HDX: variants seen among roughly 807,000 people sequenced by gnomAD.
HDX encodes highly divergent homeobox.
HDX carries 19 observed loss-of-function variants against 45.2 expected under a neutral mutation model. The observed-to-expected ratio is 0.42, with a 90% confidence interval of 0.29 to 0.62. HDX has a LOEUF of 0.62. Among genes scored for constraint, HDX ranks in the 20% least tolerant of loss-of-function variants. The pLI, the probability that HDX is intolerant of heterozygous loss-of-function variation, is 0.20. For synonymous variants in HDX, 188 were observed against 172.8 expected, an observed-to-expected ratio of 1.09 and a Z score of -0.69; for missense variants, 532 against 493.9, an observed-to-expected ratio of 1.08 and a Z score of -0.73.
At chrX:84,390,256 C>T (rs1018821268) in intron 5 of HDX, among the ~76,000 whole-genome samples, 1 of 111,009 alleles carries the variant, frequency 9.0e-6, no homozygotes, top group African/African-American at 3.3e-5. Flanking sequence ...TGACATGTGC[C>T]TCTAGTTTTA....
intron 9 of HDX, 117 bp downstream of exon 9, chrX:84,333,642 G>T: frequency 2.5e-6 from 1 of 393,303 alleles, no homozygotes; most frequent in African/African-American, 2.6e-5. Context: ...TAGCCAGAAA[G>T]AATTAATGCA....
chrX:84,469,217 A>G lies in HDX; in HGVS notation c.506T>C (p.Leu169Pro). Residue 169 changes from leucine to proline, a missense_variant, in exon 4 of 11, where the codon CTA (leucine) becomes CCA (proline). Around this residue, in one of 3 missense-constraint regions of HDX, gnomAD observed 376 missense variants for 343.7 expected, o/e 1.09. Coordinates refer to ENST00000373177, the MANE Select transcript of HDX (RefSeq NM_001177479.2). Reference sequence around the variant, plus strand: ...TGACAAAATAATTGTTTTTTCACCTAGGAGTAGGGAAGCATTTTTACAGTG... The same window carrying G: ...TGACAAAATAATTGTTTTTTCACCTGGGAGTAGGGAAGCATTTTTACAGTG... ...VAHCKNASLLLGEKTIILSRQ... is the reference protein window; with the variant it reads ...VAHCKNASLLPGEKTIILSRQ... 1 of 1,210,658 alleles carries G rather than the reference A, an allele frequency of 8.3e-7. No individual in the cohort carries two copies. Among genetic ancestry groups the G allele is most frequent in the South Asian group, 1.8e-5 (1 of 56,918 alleles).
At chrX:84,493,550 G>A (rs755067736) in intron 1 of HDX, among the ~76,000 whole-genome samples, 4 of 111,239 alleles carry the variant, frequency 3.6e-5, no homozygotes, top group Non-Finnish European at 5.7e-5. Flanking sequence ...AAATATAAAG[G>A]GACATATATG....
chrX:84,422,091 C>T (rs929851531), intron 5 of HDX, among the ~76,000 whole-genome samples: 13 of 110,664 alleles, frequency 1.2e-4, no homozygotes, highest in Non-Finnish European at 2.5e-4. Context: ...AGAATACACA[C>T]TCTTTTTCTC....
rs200722470 is a variant in HDX, at chrX:84,406,499, C to T, written c.1305+34033G>A. ...ACACACACACACACACACACACACA[C>T]ATACACACACACACACACATACACA... On this transcript the variant is annotated intron_variant, in intron 5 of 10. Transcript: ENST00000373177. Among the ~76,000 whole-genome samples, 32 of 62,958 alleles carry T rather than the reference C, an allele frequency of 5.1e-4. 1 individual carries two copies. The highest frequency in any genetic ancestry group is 1.0e-3 in the Admixed American group (4 of 3,989). 54.7% of individuals were successfully genotyped at this position (62,958 alleles called of 115,157 possible).
chrX:84,320,415 C>T lies in HDX; in HGVS notation c.*1474G>A, dbSNP rs2036574387. 1 of 110,636 alleles carries T rather than the reference C, an allele frequency of 9.0e-6. No homozygotes were observed. The highest frequency in any genetic ancestry group is 1.9e-5 in the Non-Finnish European group (1 of 52,374). The allele number at this position is 110,636 out of a possible 1,213,427, so 9.1% of individuals were successfully genotyped here. A position where few individuals can be genotyped will look rare whatever the true frequency, so the allele number is the denominator to read the frequency against. ...TTTGTGTGTGTGGGAGGATGGGACA[C>T]TTCAAGGGTAAAGACATTTATGACT... On this transcript the variant is annotated 3_prime_UTR_variant, in exon 11 of 11. Coordinates refer to ENST00000373177, the MANE Select transcript of HDX (RefSeq NM_001177479.2).
intron 4 of HDX, among the ~76,000 whole-genome samples, chrX:84,445,422 T>C (rs182862078): frequency 3.9e-4 from 42 of 108,811 alleles, no homozygotes; most frequent in African/African-American, 1.4e-3. Context: ...AGTTTCCTAA[T>C]TTTTTTTTTC....
intron 5 of HDX, among the ~76,000 whole-genome samples, chrX:84,421,605 A>T (rs1442892758): frequency 3.7e-5 from 4 of 108,396 alleles, no homozygotes; most frequent in Non-Finnish European, 5.7e-5. Context: ...TAAACCCTAC[A>T]ATCAAAAGAC....
At chrX:84,322,136 T>C (rs2036610669) in intron 10 of HDX, 122 bp from the exon 11 acceptor site, 1 of 459,700 alleles carries the variant, frequency 2.2e-6, no homozygotes, top group South Asian at 6.2e-5. Context: ...AATTTATATT[T>C]CAGGATCTTA....
At chrX:84,449,288 AT>A (rs1427958333) in intron 4 of HDX, among the ~76,000 whole-genome samples, 3 of 111,925 alleles carry the variant, frequency 2.7e-5, no homozygotes, top group Non-Finnish European at 5.6e-5. Context: ...CTACCAAGAG[AT>A]TTATGCATCC....
At chrX:84,379,045 T>A (rs888835281) in intron 5 of HDX, among the ~76,000 whole-genome samples, 1 of 110,334 alleles carries the variant, frequency 9.1e-6, no homozygotes, top group Admixed American at 9.7e-5. Flanking sequence ...AAGAAAAAAC[T>A]GTAAGAAGAA....
intron 6 of HDX, among the ~76,000 whole-genome samples, chrX:84,355,770 A>T: frequency 9.1e-6 from 1 of 109,837 alleles, no homozygotes; most frequent in Middle Eastern, 4.7e-3. Flanking sequence ...ATGACGAGTT[A>T]ATGAGTGCAG....
chrX:84,349,445 GTGTGTA>G (rs1435735099), intron 6 of HDX, among the ~76,000 whole-genome samples: 36 of 92,010 alleles, frequency 3.9e-4, no homozygotes, highest in Non-Finnish European at 7.4e-4. Flanking sequence ...GTGTGTGTGT[GTGTGTA>G]TGGTTAGGGT....
At chrX:84,488,530 A>G (rs1329974737) in intron 1 of HDX, among the ~76,000 whole-genome samples, 1 of 111,756 alleles carries the variant, frequency 8.9e-6, no homozygotes, top group Non-Finnish European at 1.9e-5. Flanking sequence ...GGCCACAAAA[A>G]TAAATGCTTC....
At chrX:84,410,601 A>C (rs2038960706) in intron 5 of HDX, among the ~76,000 whole-genome samples, 1 of 111,870 alleles carries the variant, frequency 8.9e-6, no homozygotes, top group African/African-American at 3.3e-5. Flanking sequence ...ATGTATGTTC[A>C]TCAAGGATAT....
intron 4 of HDX, among the ~76,000 whole-genome samples, chrX:84,466,842 A>G (rs1371650822): frequency 8.9e-6 from 1 of 111,883 alleles, no homozygotes. Context: ...CTAGGCAAGC[A>G]ATTGAAATAT....
At chrX:84,384,295 A>T (rs1334945562) in intron 5 of HDX, among the ~76,000 whole-genome samples, 1 of 111,329 alleles carries the variant, frequency 9.0e-6, no homozygotes, top group Non-Finnish European at 1.9e-5. Context: ...TTCTCTGATG[A>T]TTATTGATGA....
intron 6 of HDX, among the ~76,000 whole-genome samples, chrX:84,356,653 T>C (rs1338672929): frequency 2.3e-5 from 2 of 88,510 alleles, no homozygotes; most frequent in Admixed American, 2.8e-4. Context: ...GATGGAGTCT[T>C]GCTCTGTCGC....
chrX:84,476,846 T>A (rs984718256), intron 2 of HDX, among the ~76,000 whole-genome samples: 1 of 111,726 alleles, frequency 9.0e-6, no homozygotes, highest in Non-Finnish European at 1.9e-5. Context: ...ATCTCCTATC[T>A]AATGTTAAGA....
Sources: allele counts gnomAD v4.1 joint callset (sites outside exome capture counted in the v4.1 genomes callset), GRCh38; gene constraint gnomAD v4.1.1; regional missense constraint gnomAD v4.1.1; transcripts MANE v1.5; gene names NCBI Gene and HGNC (gene_info 2026-07-23, HGNC 2026-07-21).